Variants in GLRA3 observed in about 807,000 individuals in gnomAD.
The protein encoded by GLRA3 is glycine receptor subunit alpha-3.
Under a neutral mutation model 60.4 loss-of-function variants are expected in GLRA3, and 44 were observed. The ratio of observed to expected loss-of-function variants is 0.73; its 90% CI spans 0.57 to 0.94. The LOEUF (loss-of-function observed/expected upper bound fraction) is 0.94, where lower values mean the gene tolerates loss of function less well. GLRA3 is among the 40% of genes least tolerant of loss of function. GLRA3 has a pLI of 0.00. For synonymous variants in GLRA3, 223 were observed against 192.9 expected (o/e 1.16, Z -1.29); for missense variants, 508 against 564.6 (o/e 0.90, Z 1.02).
chr4:174,766,931 G>A, intron 3 of GLRA3, 32 bp downstream of exon 3: 1 of 1,136,640 alleles, frequency 8.8e-7, no homozygotes, highest in Non-Finnish European at 1.3e-6. Flanking sequence ...GATTACTCTA[G>A]TGTGAAACTT....
chr4:174,694,382 AAC>A (rs2111024203), intron 5 of GLRA3, among the ~76,000 whole-genome samples: 1 of 152,276 alleles, frequency 6.6e-6, no homozygotes, highest in Admixed American at 6.5e-5. Context: ...AATCATACCA[AAC>A]ACACTCTTGA....
chr4:174,737,686 A>G (rs1440276237), intron 3 of GLRA3, among the ~76,000 whole-genome samples: 1 of 152,030 alleles, frequency 6.6e-6, no homozygotes, highest in African/African-American at 2.4e-5. Flanking sequence ...GAAATTTTGT[A>G]TTTTTAGTAG....
chr4:174,666,062 G>T (rs1317182314), intron 7 of GLRA3, among the ~76,000 whole-genome samples: 1 of 152,088 alleles, frequency 6.6e-6, no homozygotes, highest in Non-Finnish European at 1.5e-5. Flanking sequence ...AACTCATATG[G>T]TTCCAGAGCT....
intron 5 of GLRA3, among the ~76,000 whole-genome samples, chr4:174,714,612 A>G (rs577430526): frequency 4.6e-5 from 7 of 152,288 alleles, no homozygotes; most frequent in East Asian, 1.9e-4. Context: ...GCTCCATCAC[A>G]CTACAAGCCT....
intron 1 of GLRA3, among the ~76,000 whole-genome samples, chr4:174,798,713 A>G (rs952613136): frequency 2.0e-5 from 3 of 152,228 alleles, no homozygotes; most frequent in Non-Finnish European, 4.4e-5. Flanking sequence ...TCACGAGGTC[A>G]GTAGACGGAG....
chr4:174,768,590 A>G (rs528586492), intron 2 of GLRA3, among the ~76,000 whole-genome samples: 96 of 152,302 alleles, frequency 6.3e-4, no homozygotes, highest in African/African-American at 2.3e-3. Flanking sequence ...AAGGAGGAGC[A>G]GAAATTGGTA....
intron 5 of GLRA3, among the ~76,000 whole-genome samples, chr4:174,692,092 GAAGT>G (rs1181730834): frequency 1.3e-5 from 2 of 149,610 alleles, no homozygotes; most frequent in Non-Finnish European, 3.0e-5. Flanking sequence ...CCCTGTCTGA[GAAGT>G]GAGGAGACCC....
chr4:174,749,732 A>T (rs1737390857), intron 3 of GLRA3, among the ~76,000 whole-genome samples: 1 of 151,802 alleles, frequency 6.6e-6, no homozygotes, highest in Admixed American at 6.6e-5. Context: ...ATTTTTCATG[A>T]CTCTCCTGAA....
At chr4:174,788,710 G>A in intron 2 of GLRA3, 106 bp downstream of exon 2, 1 of 633,138 alleles carries the variant, frequency 1.6e-6, no homozygotes, top group Admixed American at 3.5e-5. Flanking sequence ...ATATTTGGAA[G>A]ATTGTTGAAA....
intron 4 of GLRA3, among the ~76,000 whole-genome samples, chr4:174,721,458 A>G (rs1236882678): frequency 6.7e-6 from 1 of 148,604 alleles, no homozygotes; most frequent in Non-Finnish European, 1.5e-5. Flanking sequence ...ACATATATAT[A>G]CACACATATA....
At chr4:174,724,060 GTGTATATATATATGTATA>G (rs1471866548) in intron 4 of GLRA3, among the ~76,000 whole-genome samples, 1 of 150,654 alleles carries the variant, frequency 6.6e-6, no homozygotes, top group Admixed American at 6.6e-5. Context: ...GTGTGTGTGT[GTGTATATATATATGTATA>G]TATATATATA....
At chr4:174,801,999 G>C (rs1739831745) in intron 1 of GLRA3, among the ~76,000 whole-genome samples, 1 of 151,652 alleles carries the variant, frequency 6.6e-6, no homozygotes, top group African/African-American at 2.4e-5. Flanking sequence ...AAAGTATCTA[G>C]ATAAATATTT....
chr4:174,736,884 TACTA>T (rs1736811803), intron 3 of GLRA3, among the ~76,000 whole-genome samples: 1 of 152,182 alleles, frequency 6.6e-6, no homozygotes, highest in Non-Finnish European at 1.5e-5. Flanking sequence ...AATAAAATGA[TACTA>T]ACTTTCAGGC....
At chr4:174,691,548 C>A (rs578200168) in intron 5 of GLRA3, among the ~76,000 whole-genome samples, 1 of 152,226 alleles carries the variant, frequency 6.6e-6, no homozygotes, top group Non-Finnish European at 1.5e-5. Context: ...CGCGCCGCCA[C>A]GCCTGACTGG....
intron 5 of GLRA3, among the ~76,000 whole-genome samples, chr4:174,688,506 G>A (rs1276363438): frequency 6.6e-6 from 1 of 150,584 alleles, no homozygotes; most frequent in African/African-American, 2.4e-5. Flanking sequence ...ACCTAAAATA[G>A]TATGTGGCCA....
chr4:174,666,777 AT>A (rs1561042476), intron 7 of GLRA3, among the ~76,000 whole-genome samples: 5 of 144,242 alleles, frequency 3.5e-5, no homozygotes, highest in South Asian at 2.2e-4. Context: ...ATATATATAT[AT>A]ATAATTGGAT....
At chr4:174,645,971 C>A (rs940522825) in intron 9 of GLRA3, among the ~76,000 whole-genome samples, 1 of 152,110 alleles carries the variant, frequency 6.6e-6, no homozygotes, top group African/African-American at 2.4e-5. Context: ...GTAGGTTACC[C>A]AGGTAATTTG....
At chr4:174,716,093 T>C (rs546892839) in intron 4 of GLRA3, among the ~76,000 whole-genome samples, 10 of 152,220 alleles carry the variant, frequency 6.6e-5, no homozygotes, top group Non-Finnish European at 1.0e-4. Flanking sequence ...AGAGGAGCAA[T>C]CATATGTAAC....
At chr4:174,689,946 T>C (rs559866389) in intron 5 of GLRA3, among the ~76,000 whole-genome samples, 125 of 152,034 alleles carry the variant, frequency 8.2e-4, no homozygotes, top group Non-Finnish European at 1.3e-3. Flanking sequence ...TTTCAAACCA[T>C]TGATGTCCAT....
Sources: gnomAD v4.1 joint callset for allele counts (sites outside exome capture counted in the v4.1 genomes callset) on GRCh38, gnomAD v4.1.1 for gene constraint, MANE v1.5 for transcripts, NCBI Gene and HGNC (gene_info 2026-07-23, HGNC 2026-07-21) for gene names.